The following COL24A1 variants were observed in gnomAD, a reference collection of about 807,000 sequenced individuals.
COL24A1 encodes the protein collagen type XXIV alpha 1 chain.
In COL24A1, 224 loss-of-function variants were observed where a neutral mutation model predicts 253.9. That is an observed-to-expected ratio of 0.88 (90% CI 0.79 to 0.99). COL24A1 has a LOEUF of 0.99. Ranked by LOEUF, COL24A1 falls within the 50% of genes least tolerant of loss-of-function variation. The pLI is 0.00. For missense variants in COL24A1, 2,131 were observed against 2,068.5 expected, an observed-to-expected ratio of 1.03 and a Z score of -0.59; for synonymous variants, 685 against 673.7, an observed-to-expected ratio of 1.02 and a Z score of -0.26.
At chr1:86,030,766 G>A (rs1048447014) in intron 14 of COL24A1, among the ~76,000 whole-genome samples, 2 of 114,034 alleles carry the variant, frequency 1.8e-5, no homozygotes, top group East Asian at 4.8e-4. Context: ...TTTTTTTTTT[G>A]TTGTTGTTGT....
At chr1:85,788,136 G>C (rs1027817720) in intron 47 of COL24A1, among the ~76,000 whole-genome samples, 1 of 151,922 alleles carries the variant, frequency 6.6e-6, no homozygotes, top group African/African-American at 2.4e-5. Flanking sequence ...AGTCACCCAG[G>C]CTGGAGTGCA....
intron 45 of COL24A1, 91 bp from the exon 46 acceptor site, chr1:85,818,178 G>T: frequency 1.1e-6 from 1 of 929,374 alleles, no homozygotes. Flanking sequence ...GGACGCTGCA[G>T]CAAGAACTAG....
chr1:86,118,860 A>G (rs1706417063), intron 3 of COL24A1, among the ~76,000 whole-genome samples: 1 of 152,166 alleles, frequency 6.6e-6, no homozygotes, highest in South Asian at 2.1e-4. Flanking sequence ...AACAAAACTA[A>G]TAAAAGACAC....
chr1:85,960,272 ACT>A (rs1471740621), intron 24 of COL24A1, among the ~76,000 whole-genome samples: 1 of 152,094 alleles, frequency 6.6e-6, no homozygotes, highest in Non-Finnish European at 1.5e-5. Context: ...AATTTAGCAC[ACT>A]CTGTAAACGA....
At chr1:86,067,328 G>A (rs541800664) in intron 7 of COL24A1, among the ~76,000 whole-genome samples, 1 of 152,192 alleles carries the variant, frequency 6.6e-6, no homozygotes, top group South Asian at 2.1e-4. Context: ...TGACAGTCTA[G>A]GTCAAAGATA....
At chr1:86,030,763 T>TTTG (rs946862958) in intron 14 of COL24A1, among the ~76,000 whole-genome samples, 1 of 150,180 alleles carries the variant, frequency 6.7e-6, no homozygotes, top group Non-Finnish European at 1.5e-5. Flanking sequence ...TTTTTTTTTT[T>TTTG]TTGTTGTTGT....
chr1:85,845,072 ACT>A (rs1331185883), intron 39 of COL24A1, among the ~76,000 whole-genome samples: 1 of 151,860 alleles, frequency 6.6e-6, no homozygotes, highest in African/African-American at 2.4e-5. Context: ...CAAATGCAAA[ACT>A]CTTAAGGTAA....
chr1:85,922,705 C>CA (rs1166077826), intron 24 of COL24A1, among the ~76,000 whole-genome samples: 3 of 152,054 alleles, frequency 2.0e-5, no homozygotes, highest in Admixed American at 6.6e-5. Context: ...CCAGCTGCTG[C>CA]AAAAAACATG....
chr1:85,973,211 T>C (rs192289054), intron 20 of COL24A1, among the ~76,000 whole-genome samples: 42 of 152,296 alleles, frequency 2.8e-4, no homozygotes, highest in Admixed American at 6.5e-4. Context: ...TGTTTGTTCA[T>C]TTTTCATCTG....
At chr1:85,987,919 T>C (rs17128640) in intron 19 of COL24A1, among the ~76,000 whole-genome samples, 5 of 151,854 alleles carry the variant, frequency 3.3e-5, no homozygotes, top group Admixed American at 1.3e-4. Context: ...GAAGTCTCAG[T>C]CCAAAATTAT....
intron 1 of COL24A1, chr1:86,154,022 C>T (rs1282189256): frequency 1.3e-5 from 2 of 152,114 alleles, no homozygotes; most frequent in African/African-American, 2.4e-5. Context: ...AAAGCGCTCC[C>T]TCTCTTACAA....
At chr1:85,847,569 T>C in intron 39 of COL24A1, 96 bp downstream of exon 39, 1 of 804,160 alleles carries the variant, frequency 1.2e-6, no homozygotes, top group Non-Finnish European at 2.1e-6. Flanking sequence ...TATTGCTTTG[T>C]CTGTAAAGCT....
intron 3 of COL24A1, among the ~76,000 whole-genome samples, chr1:86,118,496 C>G (rs1706377665): frequency 6.6e-6 from 1 of 152,160 alleles, no homozygotes; most frequent in Admixed American, 6.5e-5. Context: ...ATAATAATCC[C>G]TGGTCAGTTA....
At chr1:85,775,567 C>T in intron 53 of COL24A1, 107 bp downstream of exon 53, 1 of 892,072 alleles carries the variant, frequency 1.1e-6, no homozygotes, top group South Asian at 1.7e-5. Flanking sequence ...TTTTATTCTA[C>T]AAGTATCAGA....
intron 14 of COL24A1, among the ~76,000 whole-genome samples, chr1:86,024,992 A>G (rs180923255): frequency 6.6e-6 from 1 of 152,296 alleles, no homozygotes. Flanking sequence ...AAAAAATCAC[A>G]TAACAGTAAG....
intron 7 of COL24A1, among the ~76,000 whole-genome samples, chr1:86,078,659 T>C (rs904861054): frequency 1.3e-5 from 2 of 152,144 alleles, no homozygotes; most frequent in Non-Finnish European, 2.9e-5. Flanking sequence ...AGGATTTCAA[T>C]ATGCCAATAA....
At position 85,892,681 on chromosome 1, in the gene COL24A1, A is replaced by T. The variant is rs75740669; in HGVS notation, c.2923-3068T>A. On this transcript the variant is annotated intron_variant, in intron 31 of 59. Transcript: ENST00000370571. The stretch of plus-strand genomic sequence containing the variant: ...AACTTTGCAATGCGTAGTTTAAAAT[A>T]TATGTAGATGTAATACATAAAATAA... Among the ~76,000 whole-genome samples, 739 of 152,224 alleles carry T rather than the reference A, an allele frequency of 4.9e-3. 9 individuals are homozygous for T. The highest frequency in any genetic ancestry group is 0.017 in the African/African-American group (719 of 41,576).
chr1:85,945,002 G>GTTTTTTTTTTTTTTTTTTTTTTTT (rs1165341082), intron 24 of COL24A1, among the ~76,000 whole-genome samples: 1 of 35,368 alleles, frequency 2.8e-5, no homozygotes, highest in Non-Finnish European at 4.8e-5. Context: ...CTATCATTGT[G>GTTTTTTTTTTTTTTTTTTTTTTTT]TTTTTTTTTT....
Position 85,868,849 on chromosome 1 carries a change from GA to G in COL24A1, c.3139-15del. ...TCCTGGTTCACCCTATTTTGTAGCA[GA>G]AAGAGTATGATTGAGTTTTTTTTTG... On this transcript the variant is annotated splice_polypyrimidine_tract_variant and intron_variant, in intron 35 of 59. Transcript: ENST00000370571. The G allele has an allele frequency of 6.4e-7, 1 of 1,568,306 alleles. No individual in the cohort carries two copies. Among genetic ancestry groups the G allele is most frequent in the Non-Finnish European group, 8.6e-7 (1 of 1,157,542 alleles).
Sources: gnomAD v4.1 joint callset for allele counts (sites outside exome capture counted in the v4.1 genomes callset) on GRCh38, gnomAD v4.1.1 for gene constraint, MANE v1.5 for transcripts, NCBI Gene and HGNC (gene_info 2026-07-23, HGNC 2026-07-21) for gene names.